CNTNAP5: variants seen among roughly 807,000 people sequenced by gnomAD.
The protein encoded by CNTNAP5 is contactin associated protein family member 5.
Under a neutral mutation model 150.2 loss-of-function variants are expected in CNTNAP5, and 72 were observed. That is an observed-to-expected ratio of 0.48 (90% CI 0.40 to 0.58). CNTNAP5 has a LOEUF of 0.58. Among genes scored for constraint, CNTNAP5 ranks in the 20% least tolerant of loss-of-function variants. CNTNAP5 has a pLI of 0.00. For missense variants in CNTNAP5, 1,636 were observed against 1,626.2 expected (o/e 1.01, Z -0.10); for synonymous variants, 672 against 619.8 (o/e 1.08, Z -1.25).
At chr2:124,046,818 G>C (rs1164200574) in intron 1 of CNTNAP5, among the ~76,000 whole-genome samples, 2 of 152,196 alleles carry the variant, frequency 1.3e-5, no homozygotes, top group Non-Finnish European at 2.9e-5. Context: ...AACATCCCCT[G>C]AGTGATACCA....
rs372285213 is a variant in CNTNAP5, at chr2:124,466,361, C to T, written c.919-8378C>T. Among the ~76,000 whole-genome samples, 15 of 152,110 alleles carry T rather than the reference C, an allele frequency of 9.9e-5. No homozygotes were observed. In the East Asian group the frequency reaches 2.5e-3, roughly 26 times the overall value. On this transcript the variant is annotated intron_variant, in intron 6 of 23. Transcript: ENST00000682447. ...TTATGACTTAAAATTTGATGGTTTC[C>T]TGTAGATTTTGGTCACTAGTATGCT...
chr2:124,920,241 A>C lies in CNTNAP5; in HGVS notation c.*5953A>C, dbSNP rs1409210923. Among the ~76,000 whole-genome samples the C allele has an allele frequency of 6.6e-6, 1 of 152,154 alleles. No individual in the cohort carries two copies. The highest frequency in any genetic ancestry group is 1.5e-5 in the Non-Finnish European group (1 of 68,022). On this transcript the variant is annotated 3_prime_UTR_variant, in exon 24 of 24. Transcript: ENST00000682447. ...TAGTCTTACATGCTTCAGATGCCAGAAATATCTTCAGAGAACGTGAACAAA... is the reference window on the plus strand; with the variant it reads ...TAGTCTTACATGCTTCAGATGCCAGCAATATCTTCAGAGAACGTGAACAAA...
chr2:124,700,851 G>T (rs1482133654), intron 13 of CNTNAP5, among the ~76,000 whole-genome samples: 1 of 151,818 alleles, frequency 6.6e-6, no homozygotes, highest in Non-Finnish European at 1.5e-5. Flanking sequence ...ATAGATATTA[G>T]GTTGGTGCAA....
intron 1 of CNTNAP5, among the ~76,000 whole-genome samples, chr2:124,186,197 G>T (rs1685329279): frequency 6.6e-6 from 1 of 152,198 alleles, no homozygotes; most frequent in Non-Finnish European, 1.5e-5. Context: ...ATCCATCGAT[G>T]TAGAAAATAC....
Position 124,333,078 on chromosome 2 carries a change from A to G in CNTNAP5, c.382-84365A>G, listed in dbSNP as rs1182674699. 2.0e-5 allele frequency among the ~76,000 whole-genome samples: 3 copies of G among 152,270 alleles called. No individual in the cohort carries two copies. In the East Asian group the frequency reaches 5.8e-4, roughly 29 times the overall value. ...TTATAGCTCTGATTTTATAATTTTA[A>G]TCATGAGGCAAGTAAAACTCACTAG... On this transcript the variant is annotated intron_variant, in intron 3 of 23. Transcript: ENST00000682447.
intron 1 of CNTNAP5, among the ~76,000 whole-genome samples, chr2:124,196,808 C>T (rs1242628241): frequency 2.0e-5 from 3 of 152,162 alleles, no homozygotes; most frequent in African/African-American, 7.2e-5. Flanking sequence ...TCTCAAAAGT[C>T]CCGTAACAGT....
intron 1 of CNTNAP5, among the ~76,000 whole-genome samples, chr2:124,075,862 A>G (rs1376296522): frequency 6.6e-6 from 1 of 152,140 alleles, no homozygotes; most frequent in Non-Finnish European, 1.5e-5. Context: ...TTTGTACTTT[A>G]TGCCTTTACT....
At chr2:124,073,626 A>G (rs1682365222) in intron 1 of CNTNAP5, among the ~76,000 whole-genome samples, 1 of 152,110 alleles carries the variant, frequency 6.6e-6, no homozygotes. Context: ...GCAAAGGAAA[A>G]CTACAAGGAA....
At position 124,242,356 on chromosome 2, in the gene CNTNAP5, G is replaced by A. The variant is rs773366678; in HGVS notation, c.344G>A (p.Arg115His). The stretch of plus-strand genomic sequence containing the variant: ...AGCCTGATGTTCAGTGACACAGGAC[G>A]CAACTGGAAACAGTACAAACAAGAA... ...SYSLMFSDTG[R>H]NWKQYKQEDS... Residue 115 changes from arginine (R) to histidine (H), a missense_variant, in exon 3 of 24, where the codon CGC becomes CAC. Coordinates refer to ENST00000682447, the MANE Select transcript of CNTNAP5 (RefSeq NM_001367498.1). 1.4e-5 allele frequency: 22 copies of A among 1,613,132 alleles called. No homozygotes were observed. The highest frequency in any genetic ancestry group is 4.0e-5 in the African/African-American group (3 of 74,874).
intron 19 of CNTNAP5, among the ~76,000 whole-genome samples, chr2:124,799,970 T>G (rs977129065): frequency 3.9e-5 from 6 of 152,194 alleles, no homozygotes; most frequent in African/African-American, 1.4e-4. Context: ...TCAATAGCCC[T>G]TTATGTGATT....
chr2:124,367,266 C>T (rs554935414), intron 3 of CNTNAP5, among the ~76,000 whole-genome samples: 7 of 152,282 alleles, frequency 4.6e-5, no homozygotes, highest in Non-Finnish European at 1.0e-4. Flanking sequence ...GTGAAGAATA[C>T]TTGAGTCTGG....
intron 17 of CNTNAP5, chr2:124,778,391 C>T (rs949242647): frequency 2.0e-5 from 3 of 152,252 alleles, no homozygotes; most frequent in African/African-American, 7.2e-5. Context: ...TTATACTCTT[C>T]TCATTTTGTT....
At chr2:124,743,872 A>T (rs1157741652) in intron 13 of CNTNAP5, among the ~76,000 whole-genome samples, 1 of 152,192 alleles carries the variant, frequency 6.6e-6, no homozygotes, top group Non-Finnish European at 1.5e-5. Context: ...TTCTAAAAAA[A>T]TGCCCTGATT....
At chr2:124,235,101 G>T (rs1452194765) in intron 2 of CNTNAP5, among the ~76,000 whole-genome samples, 5 of 152,144 alleles carry the variant, frequency 3.3e-5, no homozygotes, top group Admixed American at 1.3e-4. Context: ...TGAAGTCAAG[G>T]TTCCTTCAGA....
intron 1 of CNTNAP5, among the ~76,000 whole-genome samples, chr2:124,037,273 T>G (rs1681250090): frequency 2.6e-5 from 4 of 152,220 alleles, no homozygotes; most frequent in South Asian, 4.1e-4. Context: ...TTCCTGAGAC[T>G]CCTCCTGTCA....
In CNTNAP5 at chr2:124,166,128, C is replaced by A. The variant is rs566864711; in HGVS notation, c.83-55577C>A. 9.9e-5 allele frequency among the ~76,000 whole-genome samples: 15 copies of A among 152,180 alleles called. No individual in the cohort carries two copies. In the South Asian group the frequency reaches 1.2e-3, roughly 13 times the overall value. On this transcript the variant is annotated intron_variant, in intron 1 of 23. Transcript: ENST00000682447. ...GAAACATGAATACTAATAATGCAGACAAAATTCTTGAAACAGCCAAATGTT... is the reference window on the plus strand; with the variant it reads ...GAAACATGAATACTAATAATGCAGAAAAAATTCTTGAAACAGCCAAATGTT...
intron 1 of CNTNAP5, among the ~76,000 whole-genome samples, chr2:124,150,491 A>G (rs1684378924): frequency 6.6e-6 from 1 of 152,164 alleles, no homozygotes; most frequent in Non-Finnish European, 1.5e-5. Flanking sequence ...CAAAAATACC[A>G]TAGACTTGTG....
intron 3 of CNTNAP5, among the ~76,000 whole-genome samples, chr2:124,315,597 C>T (rs1688941813): frequency 6.6e-6 from 1 of 152,050 alleles, no homozygotes; most frequent in Non-Finnish European, 1.5e-5. Context: ...AAACGTTTTG[C>T]TGCTTTTAAA....
intron 1 of CNTNAP5, among the ~76,000 whole-genome samples, chr2:124,032,579 T>C (rs1233120201): frequency 6.6e-6 from 1 of 151,758 alleles, no homozygotes; most frequent in Non-Finnish European, 1.5e-5. Flanking sequence ...TTACACAGCA[T>C]TGGAAAAAAA....
Sources: gnomAD v4.1 joint callset for allele counts (sites outside exome capture counted in the v4.1 genomes callset) on GRCh38, gnomAD v4.1.1 for gene constraint, MANE v1.5 for transcripts, NCBI Gene and HGNC (gene_info 2026-07-23, HGNC 2026-07-21) for gene names.